Variants in KIAA0319 observed in about 807,000 individuals in gnomAD.
KIAA0319 encodes the protein dyslexia-associated protein KIAA0319.
Under a neutral mutation model 108.4 loss-of-function variants are expected in KIAA0319, and 83 were observed. The observed-to-expected ratio is 0.77, with a 90% CI of 0.64 to 0.92. The LOEUF is 0.92. Among genes scored for constraint, KIAA0319 ranks in the 40% least tolerant of loss-of-function variants. The probability of loss-of-function intolerance (pLI) is 0.00; values close to 1 mark genes in which losing one functional copy is unlikely to be tolerated. For synonymous variants in KIAA0319, 484 were observed against 510.4 expected (o/e 0.95, Z 0.70); for missense variants, 1,195 against 1,322.4 (o/e 0.90, Z 1.49).
intron 1 of KIAA0319, among the ~76,000 whole-genome samples, chr6:24,625,454 A>C (rs1233746910): frequency 6.6e-6 from 1 of 152,172 alleles, no homozygotes; most frequent in Non-Finnish European, 1.5e-5. Flanking sequence ...AGTCTATGGA[A>C]ATCCATAGCT....
chr6:24,540,902 G>C (rs776744548), downstream of KIAA0319, among the ~76,000 whole-genome samples: 1 of 151,988 alleles, frequency 6.6e-6, no homozygotes, highest in Non-Finnish European at 1.5e-5. Context: ...TGTTAATCCA[G>C]GCCTTATTCC....
rs561739026 is a variant in KIAA0319 at position 24,612,349 on chromosome 6, G to A, written c.-105-11141C>T. Among the ~76,000 whole-genome samples, 6 of 151,886 alleles carry A rather than the reference G, an allele frequency of 4.0e-5. No individual in the cohort carries two copies. The East Asian group carries it at 1.2e-3, about 30-fold the overall frequency. ...ACCTGTAATGCCAGCTACTCGGGAG[G>A]CTGAGGTAAGAGACTCACTTGAGCC... On this transcript the variant is annotated intron_variant, in intron 1 of 20. Transcript: ENST00000378214.
At chr6:24,611,469 A>G (rs1314823469) in intron 1 of KIAA0319, among the ~76,000 whole-genome samples, 1 of 152,058 alleles carries the variant, frequency 6.6e-6, no homozygotes, top group Non-Finnish European at 1.5e-5. Context: ...ACTGCACTCT[A>G]GCCCGGGCGA....
chr6:24,599,133 G>T lies in KIAA0319; in HGVS notation c.55+1916C>A. 1.6e-6 allele frequency: 1 copy of T among 645,126 alleles called. No individual in the cohort carries two copies. Among genetic ancestry groups the T allele is most frequent in the South Asian group, 1.8e-5 (1 of 56,032 alleles). The allele number at this position is 645,126 out of a possible 1,614,324, so 40.0% of individuals were successfully genotyped here. A position where few individuals can be genotyped will look rare whatever the true frequency, so the allele number is the denominator to read the frequency against. On this transcript the variant is annotated intron_variant, in intron 2 of 20. Coordinates refer to ENST00000378214, the MANE Select transcript of KIAA0319 (RefSeq NM_014809.4). The surrounding 1 kb of genome is among the most constrained non-coding windows in gnomAD (Gnocchi z 4.1). Reference sequence around the variant, plus strand: ...GTCCCTGGACATGGACAGCATCATTGCTGAGGTCAAGGCCCAGTACAAGGA... The same window carrying T: ...GTCCCTGGACATGGACAGCATCATTTCTGAGGTCAAGGCCCAGTACAAGGA...
chr6:24,553,210 A>T (rs73388225), intron 19 of KIAA0319, among the ~76,000 whole-genome samples: 6,015 of 149,996 alleles, frequency 0.04, 367 homozygotes, highest in African/African-American at 0.13. Context: ...CATTTGTAAC[A>T]GTATACTTCC....
intron 13 of KIAA0319, among the ~76,000 whole-genome samples, chr6:24,567,414 G>A (rs866601472): frequency 6.6e-6 from 1 of 152,114 alleles, no homozygotes; most frequent in African/African-American, 2.4e-5. Context: ...ATATAAATGA[G>A]GCAATGGCCA....
rs978890456 is a variant in KIAA0319 at position 24,544,224 on chromosome 6, A to T, written c.*2941T>A. The T allele has an allele frequency of 1.3e-5, 2 of 152,178 alleles. No individual in the cohort carries two copies. Among genetic ancestry groups the T allele is most frequent in the Non-Finnish European group, 2.9e-5 (2 of 68,038 alleles). 9.4% of individuals were successfully genotyped at this position (152,178 alleles called of 1,614,324 possible). A position where few individuals can be genotyped will look rare whatever the true frequency, so the allele number is the denominator to read the frequency against. Reference sequence around the variant, plus strand: ...AAACATAAGACCCACTTTTCGGCTCATGGGGCGTGCACACACAGGCTGTAG... The same window carrying T: ...AAACATAAGACCCACTTTTCGGCTCTTGGGGCGTGCACACACAGGCTGTAG... On this transcript the variant is annotated 3_prime_UTR_variant, in exon 21 of 21. Transcript: ENST00000378214.
chr6:24,600,611 A>G, intron 2 of KIAA0319: 7 of 1,448,406 alleles, frequency 4.8e-6, no homozygotes, highest in Non-Finnish European at 6.6e-6. Flanking sequence ...AATCCTTGGT[A>G]TACTCACATG....
Position 24,588,623 on chromosome 6 carries a change from G to C in KIAA0319, c.964C>G (p.Pro322Ala), listed in dbSNP as rs750862160. ...CTGGGAGCAGTGGTAGGAGATATGG[G>C]TAGCTCAGATGGGGTGGACTCAGAG... is the stretch of plus-strand genomic sequence containing the variant. Reference protein sequence around the residue: ...APSESTPSELPISPTTAPRTV... With the variant: ...APSESTPSELAISPTTAPRTV... Residue 322 changes from proline (P) to alanine (A), a missense_variant, in exon 4 of 21, where the codon CCC becomes GCC. Physicochemically the swap from Pro to Ala is conservative, Grantham distance 27. Coordinates refer to ENST00000378214, the MANE Select transcript of KIAA0319 (RefSeq NM_014809.4). The C allele has an allele frequency of 5.0e-6, 8 of 1,613,852 alleles. No homozygotes were observed. In the South Asian group the frequency reaches 8.8e-5, roughly 18 times the overall value.
downstream of KIAA0319, among the ~76,000 whole-genome samples, chr6:24,542,542 A>T (rs187012037): frequency 9.9e-5 from 15 of 152,202 alleles, no homozygotes; most frequent in South Asian, 3.1e-3. Context: ...ACCAGCCTGG[A>T]GAGCATAGTG....
At chr6:24,630,653 C>A (rs112462802) in intron 1 of KIAA0319, among the ~76,000 whole-genome samples, 1 of 147,694 alleles carries the variant, frequency 6.8e-6, no homozygotes, top group African/African-American at 2.5e-5. Flanking sequence ...TTTAGATTCT[C>A]GTTCCATTTA....
intron 15 of KIAA0319, among the ~76,000 whole-genome samples, chr6:24,563,780 A>T (rs1186269705): frequency 6.6e-6 from 1 of 152,066 alleles, no homozygotes; most frequent in South Asian, 2.1e-4. Flanking sequence ...CTAGCTGAAA[A>T]TTTCAGCCTC....
At chr6:24,643,406 C>T (rs1355929714) in intron 1 of KIAA0319, among the ~76,000 whole-genome samples, 1 of 152,098 alleles carries the variant, frequency 6.6e-6, no homozygotes, top group Admixed American at 6.5e-5. Flanking sequence ...CAAAACTGCA[C>T]TTGTACACTC....
intron 3 of KIAA0319, among the ~76,000 whole-genome samples, chr6:24,594,383 T>C (rs1425152314): frequency 6.6e-6 from 1 of 151,838 alleles, no homozygotes; most frequent in East Asian, 1.9e-4. Flanking sequence ...CCCAACACTT[T>C]GGGAGGCCGA....
rs762623296 is a variant in KIAA0319 at position 24,568,954 on chromosome 6, A to G, written c.1992-25T>C. ...TCTATAAAACATAGAAGTGGTTAAC[A>G]TAAGGGAGGGGGCATGGGGTTTTGA... On this transcript the variant is annotated intron_variant, in intron 12 of 20. Transcript: ENST00000378214. The G allele has an allele frequency of 2.5e-6, 4 of 1,609,842 alleles. No individual in the cohort carries two copies. In the East Asian group the frequency reaches 8.9e-5, roughly 36 times the overall value.
chr6:24,638,133 G>C (rs550549897), intron 1 of KIAA0319, among the ~76,000 whole-genome samples: 1 of 152,250 alleles, frequency 6.6e-6, no homozygotes, highest in African/African-American at 2.4e-5. Flanking sequence ...GAAAGTAAAA[G>C]AGTATCAAAG....
intron 1 of KIAA0319, among the ~76,000 whole-genome samples, chr6:24,607,108 C>T (rs777647461): frequency 1.3e-5 from 2 of 152,242 alleles, no homozygotes; most frequent in Non-Finnish European, 2.9e-5. Context: ...GTAATCCCAG[C>T]ACTTTGGGAG....
chr6:24,583,853 T>C, intron 4 of KIAA0319, 151 bp from the exon 5 acceptor site: 4 of 608,436 alleles, frequency 6.6e-6, no homozygotes, highest in Admixed American at 3.0e-5. Flanking sequence ...GGCACGTTTT[T>C]CCTCTGGCTA....
downstream of KIAA0319, among the ~76,000 whole-genome samples, chr6:24,543,784 T>C (rs1281538163): frequency 2.0e-5 from 3 of 152,174 alleles, no homozygotes; most frequent in Non-Finnish European, 4.4e-5. Context: ...GAGGATGCAG[T>C]GTAAGTATAC....
Sources: allele counts gnomAD v4.1 joint callset (sites outside exome capture counted in the v4.1 genomes callset), GRCh38; gene constraint gnomAD v4.1.1; non-coding constraint Gnocchi (gnomAD v3.1); transcripts MANE v1.5; gene names NCBI Gene and HGNC (gene_info 2026-07-23, HGNC 2026-07-21).